Variants in ME1 observed in about 807,000 individuals in gnomAD.
ME1 encodes NADP-dependent malic enzyme.
In ME1, 74 loss-of-function variants were observed where a neutral mutation model predicts 66.4. The ratio of observed to expected loss-of-function variants is 1.11; its 90% confidence interval spans 0.92 to 1.35. ME1 has a LOEUF of 1.35. Ranked by LOEUF, ME1 falls within the 40% of genes most tolerant of loss-of-function variation. The pLI is 0.00. For synonymous variants in ME1, 251 were observed against 235.6 expected (o/e 1.07, Z -0.60); for missense variants, 750 against 694.1 (o/e 1.08, Z -0.90).
chr6:83,298,024 C>T (rs570163682), intron 6 of ME1, among the ~76,000 whole-genome samples: 9 of 152,184 alleles, frequency 5.9e-5, no homozygotes, highest in South Asian at 2.1e-4. Flanking sequence ...AATGAACATA[C>T]GCTTGCATGT....
intron 3 of ME1, among the ~76,000 whole-genome samples, chr6:83,357,889 C>T (rs1406628866): frequency 1.6e-5 from 2 of 128,026 alleles, no homozygotes; most frequent in Non-Finnish European, 3.2e-5. Flanking sequence ...TTAGTTAATA[C>T]TTAATAAACT....
chr6:83,348,754 G>A (rs773793856), intron 4 of ME1, among the ~76,000 whole-genome samples: 2 of 150,788 alleles, frequency 1.3e-5, no homozygotes, highest in East Asian at 1.9e-4. Context: ...TTGGGAGGCC[G>A]AGATGGGCGG....
chr6:83,225,146 G>A (rs1364791808), intron 11 of ME1, among the ~76,000 whole-genome samples: 1 of 144,040 alleles, frequency 6.9e-6, no homozygotes, highest in East Asian at 2.1e-4. Flanking sequence ...AGGTTGCAGT[G>A]AGCCGAGATC....
At chr6:83,315,470 G>A in intron 5 of ME1, 57 bp from the exon 6 acceptor site, 2 of 1,022,932 alleles carry the variant, frequency 2.0e-6, no homozygotes, top group Admixed American at 2.1e-5. Context: ...CATTTATTGA[G>A]CCTCAGTTTC....
intron 3 of ME1, among the ~76,000 whole-genome samples, chr6:83,355,440 T>C (rs1472147252): frequency 1.3e-5 from 2 of 152,116 alleles, no homozygotes; most frequent in Non-Finnish European, 2.9e-5. Flanking sequence ...GACAATGAAT[T>C]ACACCAAAAT....
intron 6 of ME1, among the ~76,000 whole-genome samples, chr6:83,294,981 G>A (rs573998895): frequency 4.6e-5 from 7 of 152,328 alleles, no homozygotes; most frequent in East Asian, 1.9e-4. Flanking sequence ...GCCACACTGC[G>A]ATCTGCAGCC....
At chr6:83,372,736 G>A (rs1213675188) in intron 3 of ME1, among the ~76,000 whole-genome samples, 1 of 152,126 alleles carries the variant, frequency 6.6e-6, no homozygotes, top group Admixed American at 6.5e-5. Flanking sequence ...GGTATTTTTA[G>A]TTCTGAATTC....
intron 5 of ME1, among the ~76,000 whole-genome samples, chr6:83,345,137 C>A (rs1366072011): frequency 1.3e-5 from 2 of 152,090 alleles, no homozygotes; most frequent in Non-Finnish European, 2.9e-5. Flanking sequence ...GTAGCTAGGA[C>A]TGTAGGTACA....
chr6:83,361,530 C>G (rs1473148289), intron 3 of ME1, among the ~76,000 whole-genome samples: 1 of 152,180 alleles, frequency 6.6e-6, no homozygotes, highest in Non-Finnish European at 1.5e-5. Flanking sequence ...CCCAGCAGAC[C>G]CAATGGTGCT....
At chr6:83,238,501 A>G (rs1790454111) in intron 8 of ME1, among the ~76,000 whole-genome samples, 1 of 152,146 alleles carries the variant, frequency 6.6e-6, no homozygotes, top group Non-Finnish European at 1.5e-5. Context: ...TTGAAAATTC[A>G]AAGAGGTTTA....
chr6:83,378,988 T>G (rs755211039), intron 3 of ME1, among the ~76,000 whole-genome samples: 6 of 152,172 alleles, frequency 3.9e-5, no homozygotes, highest in Admixed American at 2.0e-4. Flanking sequence ...TTGGCATTGC[T>G]CATGATGGTT....
chr6:83,299,864 G>A (rs1032891434), intron 6 of ME1, among the ~76,000 whole-genome samples: 1 of 151,954 alleles, frequency 6.6e-6, no homozygotes, highest in Non-Finnish European at 1.5e-5. Context: ...ATAATCACAC[G>A]GTTTTTGTCT....
intron 3 of ME1, among the ~76,000 whole-genome samples, chr6:83,389,034 A>T (rs1343630609): frequency 6.6e-6 from 1 of 152,112 alleles, no homozygotes; most frequent in South Asian, 2.1e-4. Context: ...CAGGAGAATC[A>T]CTTGAATCCG....
intron 7 of ME1, among the ~76,000 whole-genome samples, chr6:83,251,296 A>G (rs1227882826): frequency 6.6e-6 from 1 of 152,006 alleles, no homozygotes; most frequent in Non-Finnish European, 1.5e-5. Context: ...GGAGCTCGAG[A>G]CCAGCCTGAC....
At chr6:83,299,324 C>T (rs1038402048) in intron 6 of ME1, among the ~76,000 whole-genome samples, 3 of 152,050 alleles carry the variant, frequency 2.0e-5, no homozygotes, top group African/African-American at 4.8e-5. Flanking sequence ...CCTTCGCTTT[C>T]CTTGCTAGCT....
At chr6:83,320,244 G>C (rs548308348) in intron 5 of ME1, among the ~76,000 whole-genome samples, 1 of 152,306 alleles carries the variant, frequency 6.6e-6, no homozygotes, top group African/African-American at 2.4e-5. Flanking sequence ...GTGATGTTAA[G>C]AAGGTTAAAC....
chr6:83,313,006 C>A (rs1416834114), intron 6 of ME1, among the ~76,000 whole-genome samples: 1 of 152,178 alleles, frequency 6.6e-6, no homozygotes, highest in Non-Finnish European at 1.5e-5. Context: ...ATCTGCTTGC[C>A]TCGGCCTTCC....
At chr6:83,227,544 C>T in intron 10 of ME1, 67 bp from the exon 11 acceptor site, 1 of 1,313,462 alleles carries the variant, frequency 7.6e-7, no homozygotes, top group Non-Finnish European at 1.0e-6. Context: ...AAGACCATGC[C>T]TCAAATCAAT....
At position 83,291,327 on chromosome 6, in the gene ME1, T is replaced by C. The variant is rs562334803; in HGVS notation, c.704+23983A>G. Among the ~76,000 whole-genome samples, 309 of 152,314 alleles carry C rather than the reference T, an allele frequency of 2.0e-3. 4 individuals are homozygous for C. Among genetic ancestry groups the C allele is most frequent in the South Asian group, 0.016 (77 of 4,828 alleles). On this transcript the variant is annotated intron_variant, in intron 6 of 13. Coordinates refer to ENST00000369705, the MANE Select transcript of ME1 (RefSeq NM_002395.6). ...TAAGGCAGGCCTGGTGGTGACAAAATCTCTCAGCATTTGCTTGTCTGTAAA... is the reference window on the plus strand; with the variant it reads ...TAAGGCAGGCCTGGTGGTGACAAAACCTCTCAGCATTTGCTTGTCTGTAAA...
Sources: allele counts gnomAD v4.1 joint callset (sites outside exome capture counted in the v4.1 genomes callset), GRCh38; gene constraint gnomAD v4.1.1; transcripts MANE v1.5; gene names NCBI Gene and HGNC (gene_info 2026-07-23, HGNC 2026-07-21).